Variants in TNFSF4 observed in about 807,000 individuals in gnomAD.
TNFSF4 encodes tumor necrosis factor ligand superfamily member 4.
A neutral mutation model predicts 7.3 loss-of-function variants in TNFSF4; 4 were observed. The ratio of observed to expected loss-of-function variants is 0.55; its 90% confidence interval spans 0.27 to 1.25. The LOEUF (loss-of-function observed/expected upper bound fraction) is 1.25. Among genes scored for constraint, TNFSF4 ranks in the 50% most tolerant of loss-of-function variants. The pLI is 0.12. For missense variants in TNFSF4, 181 were observed against 208.8 expected, an observed-to-expected ratio of 0.87 and a Z score of 0.82; for synonymous variants, 76 against 83.7, an observed-to-expected ratio of 0.91 and a Z score of 0.50.
the TNFSF4 span, among the ~76,000 whole-genome samples, chr1:173,445,269 T>A: frequency 5.9e-5 from 9 of 152,166 alleles, no homozygotes; most frequent in Non-Finnish European, 1.0e-4. Flanking sequence ...GAAACAGCAA[T>A]TTGCACAGGA....
At chr1:173,437,521 T>A in the TNFSF4 span, among the ~76,000 whole-genome samples, 5 of 152,242 alleles carry the variant, frequency 3.3e-5, no homozygotes. Context: ...CATTCATCTT[T>A]ATTTTCAAGT....
the TNFSF4 span, among the ~76,000 whole-genome samples, chr1:173,335,618 T>C: frequency 6.6e-6 from 1 of 152,188 alleles, no homozygotes; most frequent in Non-Finnish European, 1.5e-5. Context: ...AATTCTTACT[T>C]GATCTATATA....
At chr1:173,304,104 T>C in the TNFSF4 span, among the ~76,000 whole-genome samples, 2 of 151,960 alleles carry the variant, frequency 1.3e-5, no homozygotes, top group African/African-American at 2.4e-5. Flanking sequence ...CTCTGGTCAC[T>C]TGGTCCAGTA....
the TNFSF4 span, among the ~76,000 whole-genome samples, chr1:173,235,773 C>T: frequency 6.6e-6 from 1 of 152,132 alleles, no homozygotes; most frequent in African/African-American, 2.4e-5. Flanking sequence ...AAGAACACAA[C>T]GTGAGATCTC....
the TNFSF4 span, among the ~76,000 whole-genome samples, chr1:173,224,558 C>G: frequency 2.0e-5 from 3 of 152,194 alleles, no homozygotes; most frequent in Non-Finnish European, 4.4e-5. Flanking sequence ...TCTTGCTGAG[C>G]ACTGCATGTG....
chr1:173,220,974 C>T, the TNFSF4 span, among the ~76,000 whole-genome samples: 4 of 152,296 alleles, frequency 2.6e-5, no homozygotes, highest in Admixed American at 1.3e-4. Context: ...AGGGGCATCA[C>T]TTTGATTGGG....
At chr1:173,429,459 G>A in the TNFSF4 span, among the ~76,000 whole-genome samples, 2 of 152,210 alleles carry the variant, frequency 1.3e-5, no homozygotes, top group Admixed American at 6.5e-5. Flanking sequence ...ACATTCACTT[G>A]TGAAGACAGA....
At chr1:173,439,153 G>A in the TNFSF4 span, among the ~76,000 whole-genome samples, 2 of 152,188 alleles carry the variant, frequency 1.3e-5, no homozygotes, top group African/African-American at 4.8e-5. Flanking sequence ...CTGTATCCCA[G>A]CTGAGCATAT....
the TNFSF4 span, among the ~76,000 whole-genome samples, chr1:173,366,700 C>T: frequency 5.3e-5 from 8 of 152,226 alleles, no homozygotes; most frequent in Admixed American, 1.3e-4. Flanking sequence ...CTGATGTGAT[C>T]ATTGTGCACT....
the TNFSF4 span, among the ~76,000 whole-genome samples, chr1:173,386,957 G>T: frequency 6.6e-6 from 1 of 152,094 alleles, no homozygotes; most frequent in East Asian, 1.9e-4. Context: ...TTGTATTTTG[G>T]AGACACCTAA....
chr1:173,366,515 G>A, the TNFSF4 span, among the ~76,000 whole-genome samples: 2 of 151,910 alleles, frequency 1.3e-5, no homozygotes, highest in African/African-American at 2.4e-5. Context: ...GATGGTTAAT[G>A]GGTACAAAAA....
the TNFSF4 span, among the ~76,000 whole-genome samples, chr1:173,315,212 G>A: frequency 6.6e-6 from 1 of 152,098 alleles, no homozygotes; most frequent in Non-Finnish European, 1.5e-5. Flanking sequence ...CTGAGTACTT[G>A]CTGAGTTGGG....
chr1:173,242,236 T>G, the TNFSF4 span, among the ~76,000 whole-genome samples: 3 of 152,294 alleles, frequency 2.0e-5, 1 homozygote, highest in Admixed American at 2.0e-4. Flanking sequence ...CACTCTCCTT[T>G]TAAAATGATC....
At chr1:173,253,322 A>G in the TNFSF4 span, among the ~76,000 whole-genome samples, 1 of 152,256 alleles carries the variant, frequency 6.6e-6, no homozygotes, top group Non-Finnish European at 1.5e-5. Context: ...AACTTAGAAT[A>G]GAATACAAAA....
the TNFSF4 span, among the ~76,000 whole-genome samples, chr1:173,380,606 CT>C: frequency 1.3e-5 from 2 of 152,262 alleles, no homozygotes; most frequent in South Asian, 2.1e-4. Context: ...CCATTCACCC[CT>C]GGGACACCCT....
the TNFSF4 span, among the ~76,000 whole-genome samples, chr1:173,286,048 C>A: frequency 6.6e-6 from 1 of 152,144 alleles, no homozygotes; most frequent in Admixed American, 6.6e-5. Flanking sequence ...TTTTAATTAA[C>A]TTTTTTACAC....
chr1:173,374,201 G>A, the TNFSF4 span, among the ~76,000 whole-genome samples: 1 of 152,086 alleles, frequency 6.6e-6, no homozygotes, highest in African/African-American at 2.4e-5. Flanking sequence ...ATCAGGAAAT[G>A]GCCAACTTGG....
chr1:173,325,994 G>A, the TNFSF4 span, among the ~76,000 whole-genome samples: 3 of 152,306 alleles, frequency 2.0e-5, no homozygotes, highest in Non-Finnish European at 4.4e-5. Flanking sequence ...GAAAAAGAGG[G>A]ATTCCTCCCT....
intron 1 of TNFSF4, among the ~76,000 whole-genome samples, chr1:173,190,920 A>T (rs777739538): frequency 1.3e-5 from 2 of 152,200 alleles, no homozygotes; most frequent in Admixed American, 6.5e-5. Context: ...AAGTCACTAG[A>T]AGATCAGGGG....
Sources: allele counts gnomAD v4.1 joint callset (sites outside exome capture counted in the v4.1 genomes callset), GRCh38; gene constraint gnomAD v4.1.1; transcripts MANE v1.5; gene names NCBI Gene and HGNC (gene_info 2026-07-23, HGNC 2026-07-21).